Variants in SHPRH observed in about 807,000 individuals in gnomAD.
SHPRH encodes SNF2 histone linker PHD RING helicase, also known as E3 ubiquitin-protein ligase SHPRH.
A neutral mutation model predicts 202.5 loss-of-function variants in SHPRH; 106 were observed. The observed-to-expected ratio is 0.52, with a 90% confidence interval of 0.45 to 0.62. SHPRH has a LOEUF of 0.62. Among genes scored for constraint, SHPRH ranks in the 20% least tolerant of loss-of-function variants. SHPRH has a pLI of 0.00. For missense variants in SHPRH, 1,710 were observed against 2,020.0 expected (o/e 0.85, Z 2.94); for synonymous variants, 729 against 686.0 (o/e 1.06, Z -0.98).
chr6:145,918,095 A>C (rs1476552540), intron 23 of SHPRH, 36 bp downstream of exon 23: 9 of 1,515,320 alleles, frequency 5.9e-6, no homozygotes, highest in Non-Finnish European at 8.1e-6. Flanking sequence ...ATGATAATGC[A>C]GCATAGGAAA....
intron 16 of SHPRH, among the ~76,000 whole-genome samples, chr6:145,925,369 C>T (rs534196791): frequency 1.3e-5 from 2 of 148,968 alleles, no homozygotes; most frequent in South Asian, 2.1e-4. Context: ...CACACACACA[C>T]ATGCATGCAA....
chr6:145,935,251 T>G (rs768930815), intron 12 of SHPRH, 27 bp downstream of exon 12: 1 of 1,612,220 alleles, frequency 6.2e-7, no homozygotes, highest in Admixed American at 1.7e-5. Flanking sequence ...TATAGTACCT[T>G]TATCAATAAA....
In SHPRH at chr6:145,946,261, A is replaced by G; in HGVS notation, c.1293T>C (p.Phe431=). The G allele has an allele frequency of 6.2e-7, 1 of 1,609,194 alleles. No individual in the cohort carries two copies. The highest frequency in any genetic ancestry group is 8.5e-7 in the Non-Finnish European group (1 of 1,177,678). ...LKKTEIQNIE[F]EPKEKVQCPP... is the part of the protein sequence containing the mutation. ...GGCATTGAACTTTTTCTTTTGGTTC[A>G]AATTCGATATTCTGGATTTCTGTCT... Residue 431 remains phenylalanine, a synonymous_variant, in exon 7 of 30, where the codon TTT becomes TTC. Coordinates refer to ENST00000275233, the MANE Select transcript of SHPRH (RefSeq NM_001042683.3).
In SHPRH at chr6:145,893,322, A is replaced by G. The variant is rs1039415594; in HGVS notation, c.4767T>C (p.Asn1589=). 6.2e-7 allele frequency: 1 copy of G among 1,606,674 alleles called. No homozygotes were observed. ...ILLLPLHTGS[N]GLTIIEATHV... The stretch of plus-strand genomic sequence containing the variant: ...GAGTTGCTTCAATGATAGTTAATCC[A>G]TTAGAACCTGTGTGCAGGGGCAGCA... Residue 1589 remains asparagine, a synonymous_variant, in exon 28 of 30, where the codon AAT becomes AAC. Coordinates refer to ENST00000275233, the MANE Select transcript of SHPRH (RefSeq NM_001042683.3).
chr6:145,863,936 A>G (rs1375007284), downstream of SHPRH, among the ~76,000 whole-genome samples: 2 of 152,218 alleles, frequency 1.3e-5, no homozygotes, highest in Non-Finnish European at 1.5e-5. Context: ...TTGTTGCTAA[A>G]TAGATTTTGT....
chr6:145,925,254 C>G (rs1333085427), intron 16 of SHPRH, among the ~76,000 whole-genome samples: 1 of 151,484 alleles, frequency 6.6e-6, no homozygotes, highest in Admixed American at 6.6e-5. Context: ...TGAGAATACA[C>G]AGTAACACAG....
At chr6:145,925,365 C>CACACACACACACACACACACA (rs1346703048) in intron 16 of SHPRH, among the ~76,000 whole-genome samples, 6 of 151,396 alleles carry the variant, frequency 4.0e-5, no homozygotes, top group African/African-American at 1.5e-4. Context: ...CACACACACA[C>CACACACACACACACACACACA]ACACATGCAT....
intron 16 of SHPRH, among the ~76,000 whole-genome samples, chr6:145,925,450 C>T (rs1784792523): frequency 6.6e-6 from 1 of 151,652 alleles, no homozygotes; most frequent in Non-Finnish European, 1.5e-5. Context: ...AAACATCAGT[C>T]TCTACTCATG....
At chr6:145,869,206 A>G (rs2128689033) in intron 2 of SHPRH, among the ~76,000 whole-genome samples, 1 of 152,110 alleles carries the variant, frequency 6.6e-6, no homozygotes. Flanking sequence ...TTATTTTCTT[A>G]TTGTTGAGCT....
chr6:145,939,383 C>A (rs977545241), intron 11 of SHPRH, among the ~76,000 whole-genome samples: 1 of 152,134 alleles, frequency 6.6e-6, no homozygotes, highest in Non-Finnish European at 1.5e-5. Context: ...TCATTTATAT[C>A]TCAATGAAGT....
chr6:145,858,526 T>C, the SHPRH span, among the ~76,000 whole-genome samples: 1 of 151,952 alleles, frequency 6.6e-6, no homozygotes, highest in Non-Finnish European at 1.5e-5. Context: ...TCTCCAGTGA[T>C]AAAAAGCAGA....
intron 2 of SHPRH, among the ~76,000 whole-genome samples, chr6:145,867,631 T>TATATATATATAGAGAGAG (rs1554220329): frequency 2.2e-4 from 5 of 22,318 alleles, no homozygotes; most frequent in Admixed American, 6.6e-4. Context: ...TATATATATA[T>TATATATATATAGAGAGAG]AGAGAGAGAG....
chr6:145,951,546 G>A (rs936822082), intron 3 of SHPRH, among the ~76,000 whole-genome samples: 2 of 152,032 alleles, frequency 1.3e-5, no homozygotes, highest in South Asian at 4.1e-4. Context: ...TGAACAAATT[G>A]TAATATTTTT....
At chr6:145,939,911 TC>T (rs1786557960) in intron 11 of SHPRH, among the ~76,000 whole-genome samples, 1 of 152,116 alleles carries the variant, frequency 6.6e-6, no homozygotes, top group Non-Finnish European at 1.5e-5. Context: ...ACTTGGATTT[TC>T]AGAAAGATAA....
chr6:145,876,102 T>C (rs1780288805), intron 2 of SHPRH, among the ~76,000 whole-genome samples: 2 of 152,228 alleles, frequency 1.3e-5, no homozygotes, highest in African/African-American at 4.8e-5. Flanking sequence ...CACTACAGTC[T>C]AAATTTAGAA....
intron 25 of SHPRH, chr6:145,908,342 T>C (rs1783162179): frequency 6.6e-6 from 1 of 152,156 alleles, no homozygotes; most frequent in Non-Finnish European, 1.5e-5. Context: ...ATCGCCATAC[T>C]GTCTTCCACA....
intron 4 of SHPRH, 76 bp from the exon 5 acceptor site, chr6:145,948,426 G>T (rs1251720485): frequency 3.5e-6 from 4 of 1,139,490 alleles, no homozygotes; most frequent in Admixed American, 2.1e-5. Flanking sequence ...AAAAGAATAG[G>T]TTAACAGTGA....
At chr6:145,954,039 T>C (rs1262054549) in intron 2 of SHPRH, among the ~76,000 whole-genome samples, 1 of 151,512 alleles carries the variant, frequency 6.6e-6, no homozygotes, top group Non-Finnish European at 1.5e-5. Flanking sequence ...AGAGGGCACA[T>C]AATACTACCA....
chr6:145,921,624 G>A (rs1784437742), intron 20 of SHPRH, among the ~76,000 whole-genome samples: 1 of 151,380 alleles, frequency 6.6e-6, no homozygotes. Flanking sequence ...CAAAAATCTT[G>A]TTTTCTTCCT....
Sources: allele counts gnomAD v4.1 joint callset (sites outside exome capture counted in the v4.1 genomes callset), GRCh38; gene constraint gnomAD v4.1.1; transcripts MANE v1.5; gene names NCBI Gene and HGNC (gene_info 2026-07-23, HGNC 2026-07-21).